The following SH2D4A variants were observed in gnomAD, a reference collection of about 807,000 sequenced individuals.
SH2D4A encodes SH2 domain-containing protein 4A.
SH2D4A carries 70 observed loss-of-function variants against 64.7 expected under a neutral mutation model. The observed-to-expected ratio is 1.08, with a 90% CI of 0.89 to 1.32. SH2D4A has a LOEUF of 1.32. Among genes scored for constraint, SH2D4A ranks in the 40% most tolerant of loss-of-function variants. The pLI is 0.00. For synonymous variants in SH2D4A, 268 were observed against 200.7 expected (o/e 1.34, Z -2.83); for missense variants, 706 against 540.1 (o/e 1.31, Z -3.04).
chr8:19,333,321 T>C (rs2052393324), intron 3 of SH2D4A, among the ~76,000 whole-genome samples: 1 of 152,182 alleles, frequency 6.6e-6, no homozygotes. Context: ...ATTTAGACTT[T>C]TGATCTAAAG....
intron 1 of SH2D4A, among the ~76,000 whole-genome samples, chr8:19,317,884 T>C (rs2052116074): frequency 6.6e-6 from 1 of 152,068 alleles, no homozygotes; most frequent in Non-Finnish European, 1.5e-5. Flanking sequence ...TAACAAATTA[T>C]TGGTCAATTT....
intron 1 of SH2D4A, chr8:19,314,045 GT>G: frequency 1.6e-6 from 2 of 1,215,024 alleles, no homozygotes; most frequent in Non-Finnish European, 2.0e-6. Context: ...CCGGTGTCCG[GT>G]GTCCGGTGTC....
chr8:19,317,658 G>A (rs1159028733), intron 1 of SH2D4A, among the ~76,000 whole-genome samples: 1 of 152,098 alleles, frequency 6.6e-6, no homozygotes. Flanking sequence ...GGAGGAAGAC[G>A]GGAAGCTGAA....
At chr8:19,350,222 T>A (rs2052678842) in intron 4 of SH2D4A, among the ~76,000 whole-genome samples, 2 of 152,174 alleles carry the variant, frequency 1.3e-5, no homozygotes, top group Admixed American at 1.3e-4. Flanking sequence ...TCTCCCTGGA[T>A]GAGAATGTAA....
Position 19,319,724 on chromosome 8 carries a change from G to T in SH2D4A, c.177G>T (p.Lys59Asn). 1.3e-6 allele frequency: 2 copies of T among 1,578,962 alleles called. No homozygotes were observed. Among genetic ancestry groups the T allele is most frequent in the South Asian group, 2.4e-5 (2 of 84,496 alleles). Reference protein sequence around the residue: ...KESLPVKPRPKKENGKSVHWK... With the variant: ...KESLPVKPRPNKENGKSVHWK... Reference sequence around the variant, plus strand: ...CCCTGCCAGTGAAACCCAGACCAAAGAAAGGTAAACTTATCCACGTTTCTT... The same window carrying T: ...CCCTGCCAGTGAAACCCAGACCAAATAAAGGTAAACTTATCCACGTTTCTT... The change falls in exon 2 of 10, where the codon AAG becomes AAT. Residue 59 changes from lysine (K) to asparagine (N), a missense_variant. By Grantham distance (94) the Lys-to-Asn change is moderately conservative. Coordinates refer to ENST00000265807, the MANE Select transcript of SH2D4A (RefSeq NM_022071.4).
Position 19,394,807 on chromosome 8 carries a change from C to CAAAT in SH2D4A, c.*167_*170dup. 1 of 421,372 alleles carries CAAAT rather than the reference C, an allele frequency of 2.4e-6. No individual in the cohort carries two copies. The highest frequency in any genetic ancestry group is 4.2e-6 in the Non-Finnish European group (1 of 239,626). The allele number at this position is 421,372 out of a possible 1,614,324, so 26.1% of individuals were successfully genotyped here. ...TCCTCATTGACACCTCTTTTCTGCACAAATACTGGAATTCAATGTCAAGAG... is the reference window on the plus strand; with the variant it reads ...TCCTCATTGACACCTCTTTTCTGCACAAATAAATACTGGAATTCAATGTCAAGAG... On this transcript the variant is annotated 3_prime_UTR_variant, in exon 10 of 10. Coordinates refer to ENST00000265807, the MANE Select transcript of SH2D4A (RefSeq NM_022071.4).
At chr8:19,314,433 G>A (rs1246658071) in intron 1 of SH2D4A, among the ~76,000 whole-genome samples, 1 of 152,120 alleles carries the variant, frequency 6.6e-6, no homozygotes, top group Admixed American at 6.5e-5. Flanking sequence ...GTGCAGCGCC[G>A]CCTCCCTCGG....
At chr8:19,340,999 C>T (rs545485989) in intron 4 of SH2D4A, among the ~76,000 whole-genome samples, 64 of 152,288 alleles carry the variant, frequency 4.2e-4, no homozygotes, top group African/African-American at 1.5e-3. Context: ...AATACCATTT[C>T]TTTTGTACAG....
chr8:19,319,448 T>A lies in SH2D4A; in HGVS notation c.-100T>A, dbSNP rs2052146785. On this transcript the variant is annotated 5_prime_UTR_variant, in exon 2 of 10. Coordinates refer to ENST00000265807, the MANE Select transcript of SH2D4A (RefSeq NM_022071.4). Reference sequence around the variant, plus strand: ...CCAGGATTGTGAGCTGTTTGGGAAGTTTCGTGGAAACGCCCAAGTGCCAGC... The same window carrying A: ...CCAGGATTGTGAGCTGTTTGGGAAGATTCGTGGAAACGCCCAAGTGCCAGC... 1 of 1,342,690 alleles carries A rather than the reference T, an allele frequency of 7.4e-7. No individual in the cohort carries two copies. The allele number at this position is 1,342,690 out of a possible 1,614,324, so 83.2% of individuals were successfully genotyped here. A position where few individuals can be genotyped will look rare whatever the true frequency, so the allele number is the denominator to read the frequency against.
intron 8 of SH2D4A, among the ~76,000 whole-genome samples, chr8:19,388,134 G>A (rs918166181): frequency 7.2e-5 from 11 of 152,072 alleles, no homozygotes; most frequent in African/African-American, 2.2e-4. Flanking sequence ...TTTTATTTTC[G>A]GCTCATTCCA....
At chr8:19,365,463 C>T (rs1044324677) in intron 7 of SH2D4A, among the ~76,000 whole-genome samples, 1 of 152,150 alleles carries the variant, frequency 6.6e-6, no homozygotes, top group Non-Finnish European at 1.5e-5. Context: ...GCACACGGCT[C>T]TAAGTGCTGG....
chr8:19,372,183 C>T (rs965443878), intron 7 of SH2D4A, among the ~76,000 whole-genome samples: 3 of 152,224 alleles, frequency 2.0e-5, no homozygotes, highest in African/African-American at 7.2e-5. Context: ...AGAGGCCCTT[C>T]CAGAAATTCT....
At position 19,396,055 on chromosome 8, in the gene SH2D4A, C is replaced by T. The variant is rs568706846; in HGVS notation, c.*1413C>T. The T allele has an allele frequency of 2.0e-4, 31 of 152,314 alleles. No individual in the cohort carries two copies. Among genetic ancestry groups the T allele is most frequent in the African/African-American group, 7.5e-4 (31 of 41,562 alleles). The allele number at this position is 152,314 out of a possible 1,614,324, so 9.4% of individuals were successfully genotyped here. On this transcript the variant is annotated 3_prime_UTR_variant, in exon 10 of 10. Coordinates refer to ENST00000265807, the MANE Select transcript of SH2D4A (RefSeq NM_022071.4). ...TCCTGGAACCCCCGCCCACCTCAGT[C>T]CAGTCCCAGTCAGGCGAACGGCCTC... is the stretch of plus-strand genomic sequence containing the variant.
At chr8:19,343,307 C>T (rs1013653295) in intron 4 of SH2D4A, among the ~76,000 whole-genome samples, 1 of 152,046 alleles carries the variant, frequency 6.6e-6, no homozygotes, top group African/African-American at 2.4e-5. Flanking sequence ...CTGGTGCACA[C>T]CTGTAGTTCC....
chr8:19,361,469 A>T, intron 6 of SH2D4A, 155 bp downstream of exon 6: 2 of 727,328 alleles, frequency 2.7e-6, no homozygotes, highest in Non-Finnish European at 4.0e-6. Context: ...TTATTACTCA[A>T]ATGCTTACAG....
chr8:19,379,989 G>A (rs2053265704), intron 8 of SH2D4A, among the ~76,000 whole-genome samples: 1 of 152,062 alleles, frequency 6.6e-6, no homozygotes, highest in Non-Finnish European at 1.5e-5. Flanking sequence ...TCCCTCCTCA[G>A]CCTCCCAAAG....
chr8:19,355,207 T>A (rs561289553), intron 4 of SH2D4A, among the ~76,000 whole-genome samples: 51 of 152,078 alleles, frequency 3.4e-4, no homozygotes, highest in Non-Finnish European at 6.3e-4. Context: ...ATAAGAAACA[T>A]CCTTTTTGCA....
chr8:19,380,822 TTTC>T (rs766545284), intron 8 of SH2D4A, among the ~76,000 whole-genome samples: 12 of 152,170 alleles, frequency 7.9e-5, no homozygotes, highest in Non-Finnish European at 1.3e-4. Context: ...CTTCCTGTTT[TTTC>T]TTCTTTTTCG....
Position 19,319,660 on chromosome 8 carries a change from GATGGAAAGAAAGAGAAGCAGCT to G in SH2D4A, c.126_147del (p.Glu43SerfsTer5). 6 of 1,611,328 alleles carry G rather than the reference GATGGAAAGAAAGAGAAGCAGCT, an allele frequency of 3.7e-6. No homozygotes were observed. Among genetic ancestry groups the G allele is most frequent in the Non-Finnish European group, 5.1e-6 (6 of 1,179,058 alleles). On this transcript the variant is annotated frameshift_variant, in exon 2 of 10. Transcript: ENST00000265807. LOFTEE classifies it high-confidence loss of function. ...AAGATGAGAGAGGAACAGATCCGAC[GATGGAAAGAAAGAGAAGCAGCT>G]ATGGAAAGAAAGGAGTCCCTGCCAG... is the stretch of plus-strand genomic sequence containing the variant.
Sources: gnomAD v4.1 joint callset for allele counts (sites outside exome capture counted in the v4.1 genomes callset) on GRCh38, gnomAD v4.1.1 for gene constraint, MANE v1.5 for transcripts, NCBI Gene and HGNC (gene_info 2026-07-23, HGNC 2026-07-21) for gene names.